PLXDC2: variants seen among roughly 807,000 people sequenced by gnomAD.
PLXDC2 encodes plexin domain-containing protein 2.
In PLXDC2, 40 loss-of-function variants were observed where a neutral mutation model predicts 68.9. The ratio of observed to expected loss-of-function variants is 0.58; its 90% confidence interval spans 0.45 to 0.76. The LOEUF (loss-of-function observed/expected upper bound fraction) is 0.76, where lower values mean the gene tolerates loss of function less well. PLXDC2 is among the 30% of genes least tolerant of loss of function. The pLI is 0.00. For missense variants in PLXDC2, 644 were observed against 661.9 expected, an observed-to-expected ratio of 0.97 and a Z score of 0.30; for synonymous variants, 243 against 234.2, an observed-to-expected ratio of 1.04 and a Z score of -0.34.
At chr10:20,274,029 A>T (rs1484789289) in intron 13 of PLXDC2, among the ~76,000 whole-genome samples, 2 of 142,910 alleles carry the variant, frequency 1.4e-5, no homozygotes, top group Admixed American at 6.9e-5. Flanking sequence ...ACAGAGTAAG[A>T]TACTGTCTCG....
At chr10:19,886,155 T>A (rs1189685466) in intron 1 of PLXDC2, among the ~76,000 whole-genome samples, 2 of 152,200 alleles carry the variant, frequency 1.3e-5, no homozygotes, top group Non-Finnish European at 2.9e-5. Flanking sequence ...GCTCTCTGTG[T>A]GTCTGTTATT....
intron 12 of PLXDC2, among the ~76,000 whole-genome samples, chr10:20,243,830 G>A (rs1835552145): frequency 6.6e-6 from 1 of 152,108 alleles, no homozygotes; most frequent in African/African-American, 2.4e-5. Context: ...AGGCCGAGGT[G>A]GGTGAATCAC....
Position 20,213,760 on chromosome 10 carries a change from C to T in PLXDC2, c.1122+2031C>T, listed in dbSNP as rs151059627. The stretch of plus-strand genomic sequence containing the variant: ...TGAACAAGTACATGGGCATTTTGTA[C>T]AAAGGGTCTATGTGTGTTCAAGAAA... On this transcript the variant is annotated intron_variant, in intron 10 of 13. Coordinates refer to ENST00000377252, the MANE Select transcript of PLXDC2 (RefSeq NM_032812.9). Among the ~76,000 whole-genome samples the T allele has an allele frequency of 7.9e-5, 12 of 152,076 alleles. No individual in the cohort carries two copies. The East Asian group carries it at 2.1e-3, about 27-fold the overall frequency.
chr10:20,278,119 TC>T (rs1836032921), intron 13 of PLXDC2, among the ~76,000 whole-genome samples: 1 of 152,220 alleles, frequency 6.6e-6, no homozygotes, highest in Non-Finnish European at 1.5e-5. Context: ...TACTTCCAAA[TC>T]TTGGCTACTG....
chr10:19,987,530 C>A (rs1834661113), intron 1 of PLXDC2, among the ~76,000 whole-genome samples: 1 of 150,636 alleles, frequency 6.6e-6, no homozygotes, highest in African/African-American at 2.4e-5. Flanking sequence ...TAGGTTGATT[C>A]TTTGAGTGTT....
chr10:19,831,039 C>G (rs762481538), intron 1 of PLXDC2, among the ~76,000 whole-genome samples: 4 of 151,298 alleles, frequency 2.6e-5, no homozygotes, highest in Middle Eastern at 3.2e-3. Context: ...TTCTTGGCAC[C>G]TTTCATAGTG....
chr10:19,950,301 G>GACTT (rs1490503189), intron 1 of PLXDC2, among the ~76,000 whole-genome samples: 2 of 152,104 alleles, frequency 1.3e-5, no homozygotes, highest in Non-Finnish European at 2.9e-5. Context: ...ACTGATAAAT[G>GACTT]ACTTCAGTAA....
At chr10:20,216,533 G>T (rs369869874) in intron 10 of PLXDC2, among the ~76,000 whole-genome samples, 27 of 152,222 alleles carry the variant, frequency 1.8e-4, no homozygotes, top group Admixed American at 5.2e-4. Context: ...AAGGGGAAAG[G>T]CACCTAGCGC....
intron 9 of PLXDC2, among the ~76,000 whole-genome samples, chr10:20,209,361 G>A (rs1835036504): frequency 6.6e-6 from 1 of 151,866 alleles, no homozygotes; most frequent in African/African-American, 2.4e-5. Context: ...ACAGGAAGGG[G>A]AGCATCACAC....
In PLXDC2 at chr10:20,001,893, G is replaced by A. The variant is rs751339773; in HGVS notation, c.231G>A (p.Thr77=). The A allele has an allele frequency of 3.1e-6, 5 of 1,613,868 alleles. No individual in the cohort carries two copies. The highest frequency in any genetic ancestry group is 1.7e-5 in the Admixed American group (1 of 60,006). ...TGGACTTTCTCAAGGCGGTAGACAC[G>A]AACCGAGCAAGCGTCGGCCAAGACT... ...RNLDFLKAVD[T]NRASVGQDSP... is the part of the protein sequence containing the mutation. Residue 77 remains threonine (T), a synonymous_variant, in exon 2 of 14, where the codon ACG becomes ACA. Transcript: ENST00000377252.
chr10:20,232,214 A>G (rs1048612864), intron 12 of PLXDC2, among the ~76,000 whole-genome samples: 8 of 152,176 alleles, frequency 5.3e-5, no homozygotes, highest in Non-Finnish European at 8.8e-5. Flanking sequence ...AACACTACAC[A>G]ACACTAATAT....
chr10:20,132,488 C>T (rs1833880253), intron 4 of PLXDC2, among the ~76,000 whole-genome samples: 1 of 152,090 alleles, frequency 6.6e-6, no homozygotes. Flanking sequence ...ACTATTTCTC[C>T]TTTTAGCTCT....
chr10:19,835,817 G>C (rs1337758467), intron 1 of PLXDC2, among the ~76,000 whole-genome samples: 1 of 152,066 alleles, frequency 6.6e-6, no homozygotes, highest in African/African-American at 2.4e-5. Flanking sequence ...GATTGTGGTA[G>C]GGTAGTGATG....
intron 1 of PLXDC2, among the ~76,000 whole-genome samples, chr10:19,836,530 A>G (rs948608499): frequency 6.6e-6 from 1 of 152,206 alleles, no homozygotes; most frequent in Admixed American, 6.5e-5. Context: ...AAGTCCTTAA[A>G]TCCATGAAAT....
chr10:19,939,113 G>C (rs1037964650), intron 1 of PLXDC2, among the ~76,000 whole-genome samples: 6 of 152,164 alleles, frequency 3.9e-5, no homozygotes, highest in Non-Finnish European at 7.4e-5. Context: ...GGCTGAGAAG[G>C]CTCAAATGAA....
chr10:20,184,187 CCT>C (rs1183280708), intron 9 of PLXDC2, among the ~76,000 whole-genome samples: 5 of 151,576 alleles, frequency 3.3e-5, no homozygotes, highest in Admixed American at 3.3e-4. Context: ...ACTGCATTTC[CCT>C]GAGTGTACTC....
chr10:20,224,979 C>T (rs575495473), intron 12 of PLXDC2, among the ~76,000 whole-genome samples: 1 of 152,162 alleles, frequency 6.6e-6, no homozygotes, highest in Non-Finnish European at 1.5e-5. Context: ...AGAATGGTGT[C>T]CCCATCAAGG....
chr10:20,061,659 G>A (rs2884578), intron 3 of PLXDC2, among the ~76,000 whole-genome samples: 22,448 of 151,986 alleles, frequency 0.15, 1,942 homozygotes, highest in South Asian at 0.31. Context: ...TGATTTTAGC[G>A]TTCACTCTTG....
intron 1 of PLXDC2, among the ~76,000 whole-genome samples, chr10:19,893,595 A>G (rs1838005181): frequency 6.6e-6 from 1 of 152,374 alleles, no homozygotes; most frequent in African/African-American, 2.4e-5. Context: ...GTGCAAAAAG[A>G]TGGATATGTG....
Sources: gnomAD v4.1 joint callset for allele counts (sites outside exome capture counted in the v4.1 genomes callset) on GRCh38, gnomAD v4.1.1 for gene constraint, MANE v1.5 for transcripts, NCBI Gene and HGNC (gene_info 2026-07-23, HGNC 2026-07-21) for gene names.